Variants in ROBO2 observed in about 807,000 individuals in gnomAD.
The protein encoded by ROBO2 is roundabout guidance receptor 2.
A neutral mutation model predicts 160.8 loss-of-function variants in ROBO2; 53 were observed. The ratio of observed to expected loss-of-function variants is 0.33; its 90% CI spans 0.26 to 0.41. The LOEUF (loss-of-function observed/expected upper bound fraction) is 0.41, where lower values mean the gene tolerates loss of function less well. ROBO2 is among the 10% of genes least tolerant of loss of function. The pLI, the probability that ROBO2 is intolerant of heterozygous loss-of-function variation, is 1.00. For missense variants in ROBO2, 1,577 were observed against 1,722.4 expected (o/e 0.92, Z 1.49); for synonymous variants, 664 against 611.7 (o/e 1.09, Z -1.26).
chr3:76,071,277 T>C (rs1383078804), intron 2 of ROBO2, among the ~76,000 whole-genome samples: 1 of 152,182 alleles, frequency 6.6e-6, no homozygotes, highest in Non-Finnish European at 1.5e-5. Context: ...CAAAACACTT[T>C]TGGAGTTAGA....
intron 1 of ROBO2, among the ~76,000 whole-genome samples, chr3:75,933,677 C>A (rs1032098796): frequency 1.6e-4 from 25 of 152,068 alleles, no homozygotes; most frequent in Admixed American, 1.5e-3. Flanking sequence ...ACATAATATA[C>A]CTAGGCTTGT....
chr3:77,194,356 A>G (rs1160384546), intron 2 of ROBO2, among the ~76,000 whole-genome samples: 2 of 152,108 alleles, frequency 1.3e-5, no homozygotes, highest in African/African-American at 4.8e-5. Context: ...CTTATGCCAA[A>G]CTTAACATGG....
rs2080377047 is a variant in ROBO2 at position 77,178,520 on chromosome 3, T to C, written c.388+80180T>C. Among the ~76,000 whole-genome samples, 4 of 152,084 alleles carry C rather than the reference T, an allele frequency of 2.6e-5. No homozygotes were observed. The South Asian group carries it at 8.3e-4, about 32-fold the overall frequency. On this transcript the variant is annotated intron_variant, in intron 2 of 25. Transcript: ENST00000461745. Reference sequence around the variant, plus strand: ...GCGAATAGATTTCAGTGCTTCAGATTAATGAAAAAATACCCATCCTTACTA... The same window carrying C: ...GCGAATAGATTTCAGTGCTTCAGATCAATGAAAAAATACCCATCCTTACTA...
intron 2 of ROBO2, among the ~76,000 whole-genome samples, chr3:76,883,962 A>G (rs1053526783): frequency 1.3e-5 from 2 of 152,158 alleles, no homozygotes; most frequent in African/African-American, 4.8e-5. Context: ...GACCATTTAT[A>G]TTTTGTCCTT....
At chr3:77,370,321 C>T (rs1283086430) in intron 2 of ROBO2, among the ~76,000 whole-genome samples, 3 of 152,178 alleles carry the variant, frequency 2.0e-5, no homozygotes, top group Non-Finnish European at 4.4e-5. Flanking sequence ...ATACATCTCA[C>T]CTTACATTGG....
intron 2 of ROBO2, among the ~76,000 whole-genome samples, chr3:77,033,820 G>A (rs1357110090): frequency 6.6e-6 from 1 of 151,798 alleles, no homozygotes; most frequent in African/African-American, 2.4e-5. Flanking sequence ...TAATTTGTAT[G>A]GCAAATATAT....
At chr3:76,241,864 A>G (rs1017470455) in intron 2 of ROBO2, among the ~76,000 whole-genome samples, 4 of 152,150 alleles carry the variant, frequency 2.6e-5, no homozygotes, top group African/African-American at 9.7e-5. Flanking sequence ...ATTGGCTCCA[A>G]TGGATTAGGA....
intron 2 of ROBO2, among the ~76,000 whole-genome samples, chr3:76,030,983 T>C (rs1401443134): frequency 6.6e-6 from 1 of 152,220 alleles, no homozygotes; most frequent in Non-Finnish European, 1.5e-5. Flanking sequence ...ACAATATTGA[T>C]TCTTCCTATT....
intron 2 of ROBO2, among the ~76,000 whole-genome samples, chr3:75,993,984 C>T (rs2065651679): frequency 6.6e-6 from 1 of 152,092 alleles, no homozygotes; most frequent in South Asian, 2.1e-4. Flanking sequence ...TCATTCTATT[C>T]CTTTTAAAGC....
intron 4 of ROBO2, among the ~76,000 whole-genome samples, chr3:77,484,885 T>C (rs1046953995): frequency 2.6e-5 from 4 of 152,170 alleles, no homozygotes; most frequent in African/African-American, 9.6e-5. Flanking sequence ...TTTTTGTTCT[T>C]CTTTGAATTA....
At chr3:77,254,051 T>C (rs997554248) in intron 2 of ROBO2, among the ~76,000 whole-genome samples, 9 of 152,184 alleles carry the variant, frequency 5.9e-5, no homozygotes, top group African/African-American at 2.2e-4. Flanking sequence ...TATTTTTGTT[T>C]TTCCTTTAAA....
intron 2 of ROBO2, among the ~76,000 whole-genome samples, chr3:76,080,169 T>C (rs1365780599): frequency 6.6e-6 from 1 of 152,186 alleles, no homozygotes; most frequent in Non-Finnish European, 1.5e-5. Context: ...TAATCAGAGC[T>C]TATAAGCCTC....
intron 2 of ROBO2, among the ~76,000 whole-genome samples, chr3:77,202,227 A>G (rs1316126160): frequency 3.3e-5 from 5 of 152,316 alleles, no homozygotes; most frequent in Middle Eastern, 6.8e-3. Context: ...ATGTGTTAAT[A>G]GCATTTGTTA....
chr3:76,192,291 A>G (rs1400310882), intron 2 of ROBO2, among the ~76,000 whole-genome samples: 2 of 151,792 alleles, frequency 1.3e-5, no homozygotes, highest in African/African-American at 4.8e-5. Context: ...CGATTGGCTT[A>G]CCAATCCTGC....
At chr3:77,038,997 C>T (rs1427756959), upstream of ROBO2, among the ~76,000 whole-genome samples, 1 of 152,154 alleles carries the variant, frequency 6.6e-6, no homozygotes, top group Admixed American at 6.5e-5. Flanking sequence ...CCCGCTTCCC[C>T]GTCCTTAGCA....
intron 2 of ROBO2, among the ~76,000 whole-genome samples, chr3:76,362,737 C>T (rs1288362012): frequency 6.6e-6 from 1 of 152,014 alleles, no homozygotes; most frequent in Non-Finnish European, 1.5e-5. Context: ...ATAGTATGTC[C>T]TAGTTCTTAT....
rs182297832 is a variant in ROBO2 at position 77,159,916 on chromosome 3, A to G, written c.388+61576A>G. On this transcript the variant is annotated intron_variant, in intron 2 of 25. Transcript: ENST00000461745. ...AGTTTCTTCAGCAATGGGATTAAAT[A>G]TGTAAACATTATATTGTCAGTGGTT... Among the ~76,000 whole-genome samples the G allele has an allele frequency of 6.3e-4, 96 of 152,282 alleles. 1 individual carries two copies. In the East Asian group the frequency reaches 0.016, roughly 26 times the overall value.
intron 2 of ROBO2, among the ~76,000 whole-genome samples, chr3:76,011,631 G>A (rs1301441502): frequency 6.6e-6 from 1 of 152,158 alleles, no homozygotes; most frequent in African/African-American, 2.4e-5. Context: ...AAAGGTTCAA[G>A]GGGAAATATA....
intron 2 of ROBO2, among the ~76,000 whole-genome samples, chr3:76,120,798 A>G (rs372108339): frequency 6.6e-6 from 1 of 152,292 alleles, no homozygotes; most frequent in African/African-American, 2.4e-5. Context: ...TGTTCATATG[A>G]ACCCCTGAAA....
Sources: gnomAD v4.1 joint callset for allele counts (sites outside exome capture counted in the v4.1 genomes callset) on GRCh38, gnomAD v4.1.1 for gene constraint, MANE v1.5 for transcripts, NCBI Gene and HGNC (gene_info 2026-07-23, HGNC 2026-07-21) for gene names.